Variants in ELOVL7 observed in about 807,000 individuals in gnomAD.
ELOVL7 encodes very long chain fatty acid elongase 7.
Under a neutral mutation model 35.7 loss-of-function variants are expected in ELOVL7, and 27 were observed. The ratio of observed to expected loss-of-function variants is 0.76; its 90% CI spans 0.56 to 1.04. The LOEUF is 1.04. Among genes scored for constraint, ELOVL7 ranks in the 50% least tolerant of loss-of-function variants. The pLI, the probability that ELOVL7 is intolerant of heterozygous loss-of-function variation, is 0.00. For missense variants in ELOVL7, 327 were observed against 340.8 expected, an observed-to-expected ratio of 0.96 and a Z score of 0.32; for synonymous variants, 113 against 114.6, an observed-to-expected ratio of 0.99 and a Z score of 0.09.
chr5:60,780,186 C>T (rs1743157905), intron 3 of ELOVL7, among the ~76,000 whole-genome samples: 1 of 144,466 alleles, frequency 6.9e-6, no homozygotes, highest in African/African-American at 2.5e-5. Context: ...ACGGTACGAT[C>T]TCGGCTCACT....
intron 3 of ELOVL7, among the ~76,000 whole-genome samples, chr5:60,782,461 C>T (rs1046667984): frequency 6.6e-6 from 1 of 152,190 alleles, no homozygotes; most frequent in Non-Finnish European, 1.5e-5. Flanking sequence ...ATGTTCACTG[C>T]AGCATTATTC....
chr5:60,792,642 G>A (rs1395172709), intron 2 of ELOVL7, among the ~76,000 whole-genome samples: 1 of 152,130 alleles, frequency 6.6e-6, no homozygotes, highest in Non-Finnish European at 1.5e-5. Flanking sequence ...TGAGGTGGGA[G>A]AACTGCTTGA....
At chr5:60,830,368 A>AC (rs1478959020) in intron 1 of ELOVL7, among the ~76,000 whole-genome samples, 1 of 152,204 alleles carries the variant, frequency 6.6e-6, no homozygotes, top group East Asian at 1.9e-4. Context: ...AGTAATAGTA[A>AC]CTGGGGCAGA....
At chr5:60,825,647 G>A (rs112923037) in intron 1 of ELOVL7, among the ~76,000 whole-genome samples, 1,998 of 152,262 alleles carry the variant, frequency 0.013, 21 homozygotes, top group Non-Finnish European at 0.021. Context: ...CTCATAAGCA[G>A]TGTATGGGCC....
rs752495445 is a variant in ELOVL7 at position 60,771,946 on chromosome 5, T to A, written c.212A>T (p.Tyr71Phe). ...PFELKKAMIT[Y>F]NFFIVLFSVY... ...AGAAAAGAGTACTATGAAAAAATTGTACGTTATCATTGCTTTCTTGAGTTC... is the reference window on the plus strand; with the variant it reads ...AGAAAAGAGTACTATGAAAAAATTGAACGTTATCATTGCTTTCTTGAGTTC... The change falls in exon 4 of 9, where the codon TAC becomes TTC. Residue 71 changes from tyrosine to phenylalanine, a missense_variant. By Grantham distance (22) the Tyr-to-Phe change is conservative. Transcript: ENST00000508821. 42 of 1,613,756 alleles carry A rather than the reference T, an allele frequency of 2.6e-5. No individual in the cohort carries two copies. Among genetic ancestry groups the A allele is most frequent in the Non-Finnish European group, 3.5e-5 (41 of 1,179,878 alleles).
At chr5:60,807,170 T>C (rs141313041) in intron 1 of ELOVL7, among the ~76,000 whole-genome samples, 26 of 152,120 alleles carry the variant, frequency 1.7e-4, no homozygotes, top group African/African-American at 6.0e-4. Context: ...TTTTGTTTTT[T>C]TTTTCTCCAG....
At chr5:60,811,324 T>C (rs1174691633) in intron 1 of ELOVL7, among the ~76,000 whole-genome samples, 1 of 152,174 alleles carries the variant, frequency 6.6e-6, no homozygotes. Context: ...AGTATAGTCA[T>C]TAGCATACTG....
chr5:60,755,948 A>C (rs1584140774), intron 8 of ELOVL7, among the ~76,000 whole-genome samples: 1 of 152,154 alleles, frequency 6.6e-6, no homozygotes, highest in South Asian at 2.1e-4. Flanking sequence ...ATTTTCATAT[A>C]GTTTATTTTA....
chr5:60,840,363 G>T (rs1365981046), intron 1 of ELOVL7, among the ~76,000 whole-genome samples: 1 of 152,172 alleles, frequency 6.6e-6, no homozygotes, highest in Non-Finnish European at 1.5e-5. Flanking sequence ...AAGGGAAAAT[G>T]CATATGAAGA....
Position 60,787,346 on chromosome 5 carries a change from T to A in ELOVL7, c.52A>T (p.Ile18Phe), listed in dbSNP as rs572196960. The change falls in exon 3 of 9, where the codon ATC becomes TTC. Residue 18 changes from isoleucine (I) to phenylalanine (F), a missense_variant. By Grantham distance (21) the Ile-to-Phe change is conservative (BLOSUM62 0). Coordinates refer to ENST00000508821, the MANE Select transcript of ELOVL7 (RefSeq NM_024930.3). ...TGTGGTTACTCACCAGCATCTTTGA[T>A]CCAATTATCATAAAGATGCACAGTC... ...SRTVHLYDNW[I>F]KDADPRVEDW... is the part of the protein sequence containing the mutation. 6.2e-7 allele frequency: 1 copy of A among 1,601,306 alleles called. No homozygotes were observed. The highest frequency in any genetic ancestry group is 8.5e-7 in the Non-Finnish European group (1 of 1,175,812).
At chr5:60,785,483 A>T (rs1375560704) in intron 3 of ELOVL7, among the ~76,000 whole-genome samples, 1 of 152,184 alleles carries the variant, frequency 6.6e-6, no homozygotes, top group Non-Finnish European at 1.5e-5. Flanking sequence ...GGATTCTTGT[A>T]TCTGGGATAG....
intron 1 of ELOVL7, among the ~76,000 whole-genome samples, chr5:60,820,693 A>G (rs1049711852): frequency 6.6e-6 from 1 of 152,152 alleles, no homozygotes; most frequent in Non-Finnish European, 1.5e-5. Flanking sequence ...CGTTCTCCCA[A>G]TGAGTTGGAC....
intron 1 of ELOVL7, among the ~76,000 whole-genome samples, chr5:60,827,706 T>C (rs1309962896): frequency 6.6e-6 from 1 of 152,190 alleles, no homozygotes; most frequent in Non-Finnish European, 1.5e-5. Flanking sequence ...TCTCAAATTC[T>C]ACAAATGAGC....
At chr5:60,757,476 C>T in intron 8 of ELOVL7, 33 bp downstream of exon 8, 1 of 1,604,512 alleles carries the variant, frequency 6.2e-7, no homozygotes, top group Non-Finnish European at 8.5e-7. Flanking sequence ...CTAGCTGCTT[C>T]ATATATGGTT....
intron 4 of ELOVL7, among the ~76,000 whole-genome samples, chr5:60,771,549 G>C (rs763135036): frequency 6.6e-6 from 1 of 152,118 alleles, no homozygotes; most frequent in Non-Finnish European, 1.5e-5. Context: ...TCTGATGTCA[G>C]ACAGACCTGG....
chr5:60,842,133 C>T (rs1747209199), intron 1 of ELOVL7, among the ~76,000 whole-genome samples: 1 of 152,068 alleles, frequency 6.6e-6, no homozygotes, highest in African/African-American at 2.4e-5. Flanking sequence ...AAGATGATAA[C>T]AAATAGCAGA....
intron 7 of ELOVL7, among the ~76,000 whole-genome samples, chr5:60,758,644 G>A (rs149659646): frequency 1.3e-4 from 20 of 152,262 alleles, no homozygotes; most frequent in Non-Finnish European, 2.5e-4. Flanking sequence ...CAAAGAACAC[G>A]TGGGAATGTA....
At chr5:60,774,999 C>T (rs1438682569) in intron 3 of ELOVL7, among the ~76,000 whole-genome samples, 2 of 152,114 alleles carry the variant, frequency 1.3e-5, no homozygotes, top group African/African-American at 4.8e-5. Flanking sequence ...CTCCTGACCT[C>T]GTGATCTGCC....
rs1479990594 is a variant in ELOVL7 at position 60,753,362 on chromosome 5, C to T, written c.*1262G>A. ...TTAAAGAAACAAAGTGTATGCCAAA[C>T]GAATTTCAGTCCTTCATTACATGGT... On this transcript the variant is annotated 3_prime_UTR_variant, in exon 9 of 9. Coordinates refer to ENST00000508821, the MANE Select transcript of ELOVL7 (RefSeq NM_024930.3). 1.3e-5 allele frequency: 2 copies of T among 152,058 alleles called. No homozygotes were observed. The highest frequency in any genetic ancestry group is 6.6e-5 in the Admixed American group (1 of 15,264). The allele number at this position is 152,058 out of a possible 1,614,324, so 9.4% of individuals were successfully genotyped here. A position where few individuals can be genotyped will look rare whatever the true frequency, so the allele number is the denominator to read the frequency against.
Sources: allele counts gnomAD v4.1 joint callset (sites outside exome capture counted in the v4.1 genomes callset), GRCh38; gene constraint gnomAD v4.1.1; transcripts MANE v1.5; gene names NCBI Gene and HGNC (gene_info 2026-07-23, HGNC 2026-07-21).